The following FGD4 variants were observed in gnomAD, a reference collection of about 807,000 sequenced individuals.
FGD4 encodes the protein FYVE, RhoGEF and PH domain-containing protein 4.
FGD4 carries 42 observed loss-of-function variants against 102.0 expected under a neutral mutation model. The observed-to-expected ratio is 0.41, with a 90% CI of 0.32 to 0.53. The LOEUF (loss-of-function observed/expected upper bound fraction) is 0.53, where lower values mean the gene tolerates loss of function less well. Among genes scored for constraint, FGD4 ranks in the 20% least tolerant of loss-of-function variants. The pLI, the probability that FGD4 is intolerant of heterozygous loss-of-function variation, is 0.21. For synonymous variants in FGD4, 380 were observed against 375.7 expected, an observed-to-expected ratio of 1.01 and a Z score of -0.13; for missense variants, 902 against 1,078.2, an observed-to-expected ratio of 0.84 and a Z score of 2.29.
chr12:32,635,453 T>A (rs979013470), intron 15 of FGD4, among the ~76,000 whole-genome samples: 4 of 152,240 alleles, frequency 2.6e-5, no homozygotes, highest in African/African-American at 7.2e-5. Flanking sequence ...ATATATAGTA[T>A]GAAGTCCATA....
At chr12:32,416,138 T>C (rs974189098) in intron 1 of FGD4, among the ~76,000 whole-genome samples, 14 of 152,190 alleles carry the variant, frequency 9.2e-5, no homozygotes, top group Admixed American at 8.5e-4. Context: ...TAGCTGGGAC[T>C]ACAGGTGTAT....
chr12:32,433,832 TATATTTAC>T (rs1942133166), intron 1 of FGD4, among the ~76,000 whole-genome samples: 1 of 151,860 alleles, frequency 6.6e-6, no homozygotes, highest in Admixed American at 6.6e-5. Flanking sequence ...TACCTGATAA[TATATTTAC>T]TTATTTATTT....
At chr12:32,524,200 T>G (rs1158973738) in intron 1 of FGD4, among the ~76,000 whole-genome samples, 6 of 150,734 alleles carry the variant, frequency 4.0e-5, no homozygotes, top group Admixed American at 6.6e-5. Flanking sequence ...ATCGAGACCA[T>G]CCTGGCTAAC....
intron 1 of FGD4, among the ~76,000 whole-genome samples, chr12:32,444,478 C>T (rs1409883613): frequency 6.6e-6 from 1 of 152,084 alleles, no homozygotes; most frequent in African/African-American, 2.4e-5. Flanking sequence ...AATCTCGGCT[C>T]ACCACAATCT....
At position 32,601,340 on chromosome 12, in the gene FGD4, T is replaced by G; in HGVS notation, c.1164T>G (p.Asn388Lys). Residue 388 changes from asparagine to lysine, a missense_variant, in exon 6 of 17, where the codon AAT becomes AAG. By Grantham distance (94) the Asn-to-Lys change is moderately conservative. Transcript: ENST00000534526. ...NRGSFPAEMV[N>K]KIFSNISSIN... is the part of the protein sequence containing the mutation. ...GCTCGTTTCCAGCAGAGATGGTGAA[T>G]AAAATCTTTTCTAATATTTCATCAA... 6.2e-7 allele frequency: 1 copy of G among 1,614,170 alleles called. No individual in the cohort carries two copies. The highest frequency in any genetic ancestry group is 8.5e-7 in the Non-Finnish European group (1 of 1,180,012).
intron 1 of FGD4, among the ~76,000 whole-genome samples, chr12:32,454,429 C>T (rs11052011): frequency 0.19 from 29,648 of 152,108 alleles, 3,574 homozygotes; most frequent in East Asian, 0.28. Flanking sequence ...AGACATTTTC[C>T]TATAGTTGAG....
chr12:32,602,429 T>C (rs1948487411), intron 7 of FGD4, 112 bp downstream of exon 7: 1 of 1,210,668 alleles, frequency 8.3e-7, no homozygotes, highest in Non-Finnish European at 1.2e-6. Flanking sequence ...CTAGCCAAAA[T>C]TCATTCTACT....
chr12:32,604,672 A>G (rs1483582291), intron 7 of FGD4, among the ~76,000 whole-genome samples: 2 of 151,750 alleles, frequency 1.3e-5, no homozygotes, highest in Non-Finnish European at 2.9e-5. Context: ...GTTGCCCACC[A>G]CTCCAAATGA....
In FGD4 at chr12:32,566,494, G is replaced by T. The variant is rs144090330; in HGVS notation, c.319+2205G>T. On this transcript the variant is annotated intron_variant, in intron 2 of 16. Coordinates refer to ENST00000534526, the MANE Select transcript of FGD4 (RefSeq NM_001370298.3). ...TTCTGCCTATGTGTCCGCTCACATA[G>T]TACATAACCAGTCTTCAATAACACT... 1.4e-4 allele frequency among the ~76,000 whole-genome samples: 21 copies of T among 152,248 alleles called. No individual in the cohort carries two copies. In the East Asian group the frequency reaches 2.9e-3, roughly 21 times the overall value.
Position 32,602,236 on chromosome 12 carries a change from A to C in FGD4, c.1323A>C (p.Lys441Asn). Residue 441 changes from lysine (K) to asparagine (N), a missense_variant, in exon 7 of 17, where the codon AAA becomes AAC. Lys to Asn is a moderately conservative substitution (Grantham distance 94, BLOSUM62 0). This residue lies in a region of FGD4 where 459 missense variants were observed against 619.0 expected (regional missense o/e 0.74). Coordinates refer to ENST00000534526, the MANE Select transcript of FGD4 (RefSeq NM_001370298.3). ...PFLKMYGEYV[K>N]GFDNAMELVK... ...TTAAGATGTATGGAGAATATGTGAA[A>C]GGATTTGATAATGCAATGGAATTGG... The C allele has an allele frequency of 6.2e-7, 1 of 1,614,194 alleles. No homozygotes were observed.
At chr12:32,401,343 TCTGCCTCCCGGGTTCAAGCGATTCTC>T (rs1411474996) in intron 1 of FGD4, among the ~76,000 whole-genome samples, 3 of 152,286 alleles carry the variant, frequency 2.0e-5, no homozygotes, top group East Asian at 3.9e-4. Flanking sequence ...CACTGCAACC[TCTGCCTCCCGGGTTCAAGCGATTCTC>T]CTGCCTCAGC....
intron 1 of FGD4, among the ~76,000 whole-genome samples, chr12:32,417,004 CT>C (rs1941444889): frequency 6.6e-6 from 1 of 151,680 alleles, no homozygotes; most frequent in Non-Finnish European, 1.5e-5. Flanking sequence ...TCAAGCAATT[CT>C]CCTGCGTCAG....
intron 3 of FGD4, among the ~76,000 whole-genome samples, chr12:32,577,836 GA>G (rs1292862446): frequency 2.6e-5 from 4 of 152,116 alleles, no homozygotes; most frequent in Admixed American, 1.3e-4. Context: ...CATGCCTAGT[GA>G]CTGCATAATA....
chr12:32,533,711 C>T (rs1214282102), intron 1 of FGD4, among the ~76,000 whole-genome samples: 1 of 152,160 alleles, frequency 6.6e-6, no homozygotes, highest in African/African-American at 2.4e-5. Context: ...AGGCGTTAGC[C>T]GCCGCGCCTG....
At chr12:32,529,028 AT>A (rs1941534551) in intron 1 of FGD4, among the ~76,000 whole-genome samples, 1 of 152,242 alleles carries the variant, frequency 6.6e-6, no homozygotes, top group African/African-American at 2.4e-5. Flanking sequence ...TGGTACAAAA[AT>A]ATTCAAGCAA....
intron 1 of FGD4, among the ~76,000 whole-genome samples, chr12:32,428,328 G>C (rs1164431314): frequency 6.6e-6 from 1 of 152,210 alleles, no homozygotes; most frequent in African/African-American, 2.4e-5. Context: ...ATGAAGCTTA[G>C]TTTGGCTGGA....
intron 1 of FGD4, among the ~76,000 whole-genome samples, chr12:32,424,917 T>G (rs1379211325): frequency 6.6e-6 from 1 of 152,142 alleles, no homozygotes; most frequent in Non-Finnish European, 1.5e-5. Context: ...TTGATGGGGT[T>G]GTTTGTTTTT....
At chr12:32,559,988 C>T (rs563344205) in intron 1 of FGD4, among the ~76,000 whole-genome samples, 1 of 152,328 alleles carries the variant, frequency 6.6e-6, no homozygotes, top group Non-Finnish European at 1.5e-5. Flanking sequence ...TGTAGTTGAG[C>T]TGTGGCTCTG....
intron 1 of FGD4, among the ~76,000 whole-genome samples, chr12:32,415,023 A>G (rs1941349326): frequency 1.3e-5 from 2 of 152,106 alleles, no homozygotes; most frequent in African/African-American, 4.8e-5. Flanking sequence ...TTTCCTTCAT[A>G]ATGTTTTCAT....
Sources: gnomAD v4.1 joint callset for allele counts (sites outside exome capture counted in the v4.1 genomes callset) on GRCh38, gnomAD v4.1.1 for gene constraint, gnomAD v4.1.1 regional missense constraint, MANE v1.5 for transcripts, NCBI Gene and HGNC (gene_info 2026-07-23, HGNC 2026-07-21) for gene names.